XPO7: variants seen among roughly 807,000 people sequenced by gnomAD.
The protein encoded by XPO7 is exportin-7.
Under a neutral mutation model 144.3 loss-of-function variants are expected in XPO7, and 21 were observed. The ratio of observed to expected loss-of-function variants is 0.15; its 90% confidence interval spans 0.10 to 0.21. The LOEUF is 0.21. Ranked by LOEUF, XPO7 falls within the 10% of genes least tolerant of loss-of-function variation. The pLI, the probability that XPO7 is intolerant of heterozygous loss-of-function variation, is 1.00. For synonymous variants in XPO7, 580 were observed against 499.6 expected, an observed-to-expected ratio of 1.16 and a Z score of -2.15; for missense variants, 808 against 1,325.8, an observed-to-expected ratio of 0.61 and a Z score of 6.06.
chr8:21,984,818 A>G lies in XPO7; in HGVS notation c.1450A>G (p.Met484Val), dbSNP rs201923651. Residue 484 changes from methionine to valine, a missense_variant, in exon 12 of 28, where the codon ATG becomes GTG. By Grantham distance (21) the Met-to-Val change is conservative. Coordinates refer to ENST00000252512, the MANE Select transcript of XPO7 (RefSeq NM_015024.5). ...ELLQSASASPMDIAVQEGRLT... is the reference protein window; with the variant it reads ...ELLQSASASPVDIAVQEGRLT... The stretch of plus-strand genomic sequence containing the variant: ...GCTACAGAGCGCCAGCGCAAGCCCA[A>G]TGGACATTGCAGTGCAGGAGGGTGA... 576 of 1,613,918 alleles carry G rather than the reference A, an allele frequency of 3.6e-4. No homozygotes were observed. The highest frequency in any genetic ancestry group is 5.5e-4 in the South Asian group (50 of 91,086).
chr8:21,969,439 T>G (rs1160288892), intron 2 of XPO7, 44 bp from the exon 3 acceptor site: 1 of 1,524,830 alleles, frequency 6.6e-7, no homozygotes, highest in East Asian at 2.3e-5. Flanking sequence ...TGTGACTGGC[T>G]TACTCAATAC....
At chr8:21,930,037 T>C (rs1170822307) in intron 1 of XPO7, among the ~76,000 whole-genome samples, 1 of 152,200 alleles carries the variant, frequency 6.6e-6, no homozygotes, top group Non-Finnish European at 1.5e-5. Flanking sequence ...CAGCTAACAC[T>C]GAGAAGGTGG....
intron 1 of XPO7, among the ~76,000 whole-genome samples, chr8:21,925,987 T>C (rs1810447119): frequency 6.6e-6 from 1 of 152,188 alleles, no homozygotes; most frequent in Non-Finnish European, 1.5e-5. Context: ...CCCCAAACAG[T>C]AACGAAAGAG....
chr8:21,966,494 A>G lies in XPO7; in HGVS notation c.19-363A>G, dbSNP rs537764415. 6.3e-4 allele frequency among the ~76,000 whole-genome samples: 96 copies of G among 152,340 alleles called. 2 individuals are homozygous for G. The highest frequency in any genetic ancestry group is 1.4e-3 in the South Asian group (7 of 4,832). On this transcript the variant is annotated intron_variant, in intron 1 of 27. Coordinates refer to ENST00000252512, the MANE Select transcript of XPO7 (RefSeq NM_015024.5). ...TAATTTTAGTAGCCGTGCCTCTGGT[A>G]TTTCACACTTTTTACATTAATAGCA...
At chr8:21,936,097 A>G (rs6996493) in intron 1 of XPO7, among the ~76,000 whole-genome samples, 31,758 of 152,116 alleles carry the variant, frequency 0.21, 4,429 homozygotes, top group African/African-American at 0.4. Flanking sequence ...TGCTAAGTGT[A>G]AATTCCTTTA....
At chr8:21,981,643 C>T in intron 9 of XPO7, 88 bp from the exon 10 acceptor site, 1 of 1,515,010 alleles carries the variant, frequency 6.6e-7, no homozygotes, top group Non-Finnish European at 9.0e-7. Flanking sequence ...GATTCTACCC[C>T]TTCCCCCATG....
intron 1 of XPO7, among the ~76,000 whole-genome samples, chr8:21,939,839 A>G (rs1436814005): frequency 6.6e-6 from 1 of 152,234 alleles, no homozygotes; most frequent in African/African-American, 2.4e-5. Context: ...AGGAGAATTC[A>G]TTGAAGAATA....
At chr8:21,955,407 A>C (rs1254551051) in intron 1 of XPO7, among the ~76,000 whole-genome samples, 1 of 152,186 alleles carries the variant, frequency 6.6e-6, no homozygotes, top group Non-Finnish European at 1.5e-5. Flanking sequence ...AGTGTTTGTC[A>C]ATTGAGGGCT....
chr8:21,926,488 A>G (rs531498218), intron 1 of XPO7, among the ~76,000 whole-genome samples: 131 of 152,254 alleles, frequency 8.6e-4, no homozygotes, highest in African/African-American at 3.0e-3. Context: ...TTCCAATTCT[A>G]TTTAAAATTG....
intron 1 of XPO7, 36 bp downstream of exon 1, chr8:21,919,824 A>G: frequency 2.5e-6 from 1 of 401,066 alleles, no homozygotes; most frequent in Non-Finnish European, 4.1e-6. Flanking sequence ...GGCGACCACG[A>G]AGAGCGGCGA....
intron 1 of XPO7, among the ~76,000 whole-genome samples, chr8:21,939,235 T>TC (rs1810915227): frequency 6.6e-6 from 1 of 151,730 alleles, no homozygotes; most frequent in Non-Finnish European, 1.5e-5. Flanking sequence ...CTTTTTTTTT[T>TC]TTTGAGATGG....
intron 1 of XPO7, among the ~76,000 whole-genome samples, chr8:21,932,081 C>T (rs1310802252): frequency 6.6e-6 from 1 of 151,980 alleles, no homozygotes; most frequent in African/African-American, 2.4e-5. Context: ...ACCGTGTTGG[C>T]CAGGCTGGTC....
At chr8:21,965,175 A>G (rs1585447316) in intron 1 of XPO7, among the ~76,000 whole-genome samples, 2 of 149,048 alleles carry the variant, frequency 1.3e-5, no homozygotes, top group Non-Finnish European at 3.0e-5. Context: ...ATTTTGTAGG[A>G]GGGGGGAAAT....
chr8:21,990,234 T>A, intron 16 of XPO7, 110 bp from the exon 17 acceptor site: 1 of 1,119,484 alleles, frequency 8.9e-7, no homozygotes, highest in Non-Finnish European at 1.3e-6. Context: ...CAAGTATTTT[T>A]TAAAAAATAA....
At position 22,004,984 on chromosome 8, in the gene XPO7, CCT is replaced by C; in HGVS notation, c.3171-6_3171-5del. On this transcript the variant is annotated splice_polypyrimidine_tract_variant and intron_variant, in intron 27 of 27. Transcript: ENST00000252512. ...CTCTCCTCCCCCAACCCACATGCATCCTCTCTGCAGGTTCACCCAGAACCTGT... is the reference window on the plus strand; with the variant it reads ...CTCTCCTCCCCCAACCCACATGCATCCTCTGCAGGTTCACCCAGAACCTGT... 1 of 1,581,404 alleles carries C rather than the reference CCT, an allele frequency of 6.3e-7. No homozygotes were observed. The highest frequency in any genetic ancestry group is 8.6e-7 in the Non-Finnish European group (1 of 1,157,960).
At chr8:21,920,561 C>A (rs1011163956) in intron 1 of XPO7, among the ~76,000 whole-genome samples, 2 of 152,132 alleles carry the variant, frequency 1.3e-5, no homozygotes, top group African/African-American at 4.8e-5. Flanking sequence ...TGATCCGGCT[C>A]AAGAGCTGCT....
At chr8:21,994,528 G>A in intron 20 of XPO7, 77 bp downstream of exon 20, 1 of 1,363,020 alleles carries the variant, frequency 7.3e-7, no homozygotes, top group Non-Finnish European at 1.0e-6. Flanking sequence ...TCCAGAGACG[G>A]TGTAGGGGGA....
chr8:21,983,949 A>T (rs1193656664), intron 11 of XPO7, among the ~76,000 whole-genome samples: 1 of 152,198 alleles, frequency 6.6e-6, no homozygotes, highest in Non-Finnish European at 1.5e-5. Context: ...GCTGGCAGAT[A>T]AGGCAAGACC....
chr8:21,964,119 C>T (rs184367823), intron 1 of XPO7: 40 of 152,298 alleles, frequency 2.6e-4, no homozygotes, highest in African/African-American at 9.1e-4. Flanking sequence ...TTTTATAAAG[C>T]ATTTCACCAA....
Sources: allele counts gnomAD v4.1 joint callset (sites outside exome capture counted in the v4.1 genomes callset), GRCh38; gene constraint gnomAD v4.1.1; transcripts MANE v1.5; gene names NCBI Gene and HGNC (gene_info 2026-07-23, HGNC 2026-07-21).